CNTN5: variants seen among roughly 807,000 people sequenced by gnomAD.
CNTN5 encodes the protein contactin-5.
In CNTN5, 77 loss-of-function variants were observed where a neutral mutation model predicts 129.1. The observed-to-expected ratio is 0.60, with a 90% CI of 0.50 to 0.72. CNTN5 has a LOEUF of 0.72. CNTN5 is among the 30% of genes least tolerant of loss of function. CNTN5 has a pLI of 0.00. For synonymous variants in CNTN5, 509 were observed against 465.6 expected (o/e 1.09, Z -1.20); for missense variants, 1,478 against 1,328.8 (o/e 1.11, Z -1.75).
chr11:99,963,529 A>G (rs1270185520), intron 8 of CNTN5, among the ~76,000 whole-genome samples: 4 of 152,044 alleles, frequency 2.6e-5, no homozygotes, highest in Non-Finnish European at 5.9e-5. Flanking sequence ...CTCTGTTTTG[A>G]TACTAGTACC....
At chr11:99,939,609 G>C (rs2136106286) in intron 7 of CNTN5, among the ~76,000 whole-genome samples, 1 of 145,270 alleles carries the variant, frequency 6.9e-6, no homozygotes, top group East Asian at 2.0e-4. Flanking sequence ...TGTATCAATA[G>C]TCAACCAAAT....
At chr11:99,509,845 T>C (rs1395666244) in intron 2 of CNTN5, among the ~76,000 whole-genome samples, 6 of 151,974 alleles carry the variant, frequency 3.9e-5, no homozygotes, top group Non-Finnish European at 5.9e-5. Context: ...ATTCCCTACA[T>C]AGTATGAAAA....
chr11:99,476,365 C>T (rs1349729417), intron 2 of CNTN5, among the ~76,000 whole-genome samples: 1 of 152,068 alleles, frequency 6.6e-6, no homozygotes, highest in Non-Finnish European at 1.5e-5. Flanking sequence ...TTCACACTTT[C>T]ATTACTTAGA....
intron 3 of CNTN5, among the ~76,000 whole-genome samples, chr11:99,666,677 C>T (rs1952804385): frequency 6.6e-6 from 1 of 152,094 alleles, no homozygotes. Flanking sequence ...GATGTGTCAT[C>T]AGAAGAATTA....
intron 1 of CNTN5, among the ~76,000 whole-genome samples, chr11:99,219,053 T>C (rs1007605859): frequency 3.3e-5 from 5 of 151,992 alleles, no homozygotes; most frequent in Non-Finnish European, 5.9e-5. Context: ...ATTATTGCCT[T>C]TGTTAATTTA....
intron 2 of CNTN5, among the ~76,000 whole-genome samples, chr11:99,355,934 C>T (rs1488366655): frequency 6.6e-6 from 1 of 150,968 alleles, no homozygotes; most frequent in Non-Finnish European, 1.5e-5. Flanking sequence ...TCATGCCATT[C>T]TTCTGCCTCA....
chr11:99,671,378 TG>T (rs1480289686), intron 3 of CNTN5, among the ~76,000 whole-genome samples: 1 of 152,156 alleles, frequency 6.6e-6, no homozygotes, highest in East Asian at 1.9e-4. Context: ...TTTAACTTAT[TG>T]AAAAACAATG....
chr11:100,184,900 G>T (rs576016520), intron 13 of CNTN5, among the ~76,000 whole-genome samples: 6 of 152,156 alleles, frequency 3.9e-5, no homozygotes, highest in African/African-American at 1.4e-4. Context: ...GGGACCCAGT[G>T]GGAGGTCATT....
intron 7 of CNTN5, among the ~76,000 whole-genome samples, chr11:99,939,125 C>A (rs1320626657): frequency 6.6e-6 from 1 of 152,076 alleles, no homozygotes; most frequent in Non-Finnish European, 1.5e-5. Flanking sequence ...CATAAGTCAA[C>A]AAAATACCTT....
At chr11:99,513,624 C>T (rs535762142) in intron 2 of CNTN5, among the ~76,000 whole-genome samples, 1 of 152,172 alleles carries the variant, frequency 6.6e-6, no homozygotes, top group South Asian at 2.1e-4. Flanking sequence ...GCTAAATCTA[C>T]TCTGCCTGTT....
At chr11:99,071,895 A>G (rs1041493877) in intron 1 of CNTN5, among the ~76,000 whole-genome samples, 1 of 152,102 alleles carries the variant, frequency 6.6e-6, no homozygotes, top group African/African-American at 2.4e-5. Context: ...ACCTTCCCAT[A>G]AGAAAAGTTT....
intron 16 of CNTN5, among the ~76,000 whole-genome samples, chr11:100,254,827 T>C (rs1352370576): frequency 1.3e-5 from 2 of 152,186 alleles, no homozygotes; most frequent in African/African-American, 4.8e-5. Flanking sequence ...ATACTTAAGT[T>C]TTTGAAATTC....
intron 1 of CNTN5, among the ~76,000 whole-genome samples, chr11:99,196,697 A>G (rs1287731175): frequency 6.6e-6 from 1 of 151,942 alleles, no homozygotes; most frequent in African/African-American, 2.4e-5. Flanking sequence ...GTCTGCATCA[A>G]TATTGTATTG....
intron 3 of CNTN5, among the ~76,000 whole-genome samples, chr11:99,797,857 T>G (rs1263267526): frequency 6.6e-6 from 1 of 152,196 alleles, no homozygotes; most frequent in Non-Finnish European, 1.5e-5. Context: ...TTATAATTTA[T>G]TATTTTGTCA....
chr11:99,676,323 C>T (rs1022481334), intron 3 of CNTN5, among the ~76,000 whole-genome samples: 6 of 152,010 alleles, frequency 3.9e-5, no homozygotes, highest in East Asian at 1.9e-4. Flanking sequence ...AACATAAAAA[C>T]GAAAACATTA....
At chr11:99,592,524 A>G (rs1950009397) in intron 3 of CNTN5, among the ~76,000 whole-genome samples, 1 of 152,170 alleles carries the variant, frequency 6.6e-6, no homozygotes, top group Non-Finnish European at 1.5e-5. Context: ...ATAACATGGG[A>G]AGACGCCAAG....
At chr11:99,490,348 T>A (rs1945988435) in intron 2 of CNTN5, among the ~76,000 whole-genome samples, 6 of 152,208 alleles carry the variant, frequency 3.9e-5, no homozygotes, top group Admixed American at 3.9e-4. Flanking sequence ...GTTTATTACA[T>A]AAATTCATTA....
intron 1 of CNTN5, among the ~76,000 whole-genome samples, chr11:99,311,794 G>T (rs1032469884): frequency 6.6e-6 from 1 of 152,088 alleles, no homozygotes; most frequent in Non-Finnish European, 1.5e-5. Flanking sequence ...TATTAATTGT[G>T]TATATAATAT....
chr11:99,754,273 A>T (rs949374953), intron 3 of CNTN5, among the ~76,000 whole-genome samples: 1 of 152,178 alleles, frequency 6.6e-6, no homozygotes, highest in South Asian at 2.1e-4. Context: ...ATGAATACAA[A>T]CACCTTCTAA....
Sources: gnomAD v4.1 joint callset for allele counts (sites outside exome capture counted in the v4.1 genomes callset) on GRCh38, gnomAD v4.1.1 for gene constraint, MANE v1.5 for transcripts, NCBI Gene and HGNC (gene_info 2026-07-23, HGNC 2026-07-21) for gene names.